Variants in NLRP9 observed in about 807,000 individuals in gnomAD.
NLRP9 encodes NACHT, LRR and PYD domains-containing protein 9.
Under a neutral mutation model 83.1 loss-of-function variants are expected in NLRP9, and 88 were observed. The ratio of observed to expected loss-of-function variants is 1.06; its 90% CI spans 0.89 to 1.26. The LOEUF is 1.26. Among genes scored for constraint, NLRP9 ranks in the 50% most tolerant of loss-of-function variants. The pLI is 0.00. For missense variants in NLRP9, 1,308 were observed against 1,179.3 expected (o/e 1.11, Z -1.60); for synonymous variants, 521 against 447.6 (o/e 1.16, Z -2.07).
At chr19:55,711,174 T>TACTC (rs924399695) in intron 8 of NLRP9, among the ~76,000 whole-genome samples, 3 of 152,090 alleles carry the variant, frequency 2.0e-5, no homozygotes, top group African/African-American at 7.2e-5. Flanking sequence ...TGAATTCATG[T>TACTC]ACTCATCACC....
At position 55,715,076 on chromosome 19, in the gene NLRP9, C is replaced by G. The variant is rs775924364; in HGVS notation, c.2480G>C (p.Gly827Ala). 1.9e-6 allele frequency: 3 copies of G among 1,612,070 alleles called. No homozygotes were observed. The highest frequency in any genetic ancestry group is 2.5e-6 in the Non-Finnish European group (3 of 1,179,490). ...ASLCAALKHPGCSIRELWLMG... is the reference protein window; with the variant it reads ...ASLCAALKHPACSIRELWLMG... ...CTACCACAGCTCCCGTATGCTGCAG[C>G]CTGGGTGCTTCAGCGCTGCACACAG... is the stretch of plus-strand genomic sequence containing the variant. Residue 827 changes from glycine to alanine, a missense_variant, in exon 6 of 9, where the codon GGC (glycine) becomes GCC (alanine). Coordinates refer to ENST00000332836, the MANE Select transcript of NLRP9 (RefSeq NM_176820.4).
In NLRP9 at chr19:55,723,020, A is replaced by C. The variant is rs142382578; in HGVS notation, c.2159+960T>G. Among the ~76,000 whole-genome samples, 63 of 152,220 alleles carry C rather than the reference A, an allele frequency of 4.1e-4. 2 individuals are homozygous for C. Among genetic ancestry groups the C allele is most frequent in the African/African-American group, 1.1e-3 (44 of 41,540 alleles). Reference sequence around the variant, plus strand: ...GGTGGGTGGGGAGCTGGGGGAGGGAAAGCATTAGGAGATATACCTAATGTA... The same window carrying C: ...GGTGGGTGGGGAGCTGGGGGAGGGACAGCATTAGGAGATATACCTAATGTA... On this transcript the variant is annotated intron_variant, in intron 4 of 8. Transcript: ENST00000332836.
intron 2 of NLRP9, 128 bp from the exon 3 acceptor site, chr19:55,730,120 G>A (rs1290731812): frequency 1.3e-6 from 1 of 778,866 alleles, no homozygotes; most frequent in Non-Finnish European, 2.0e-6. Context: ...CAGGGAGAAG[G>A]TCAGCCAGGT....
intron 4 of NLRP9, among the ~76,000 whole-genome samples, chr19:55,720,914 C>T (rs775357371): frequency 4.6e-5 from 7 of 152,156 alleles, no homozygotes; most frequent in African/African-American, 1.2e-4. Flanking sequence ...AATGAAAAGG[C>T]GCTCATATTA....
intron 4 of NLRP9, 45 bp downstream of exon 4, chr19:55,723,935 C>T (rs1351440166): frequency 2.0e-6 from 3 of 1,526,640 alleles, no homozygotes; most frequent in East Asian, 2.3e-5. Flanking sequence ...CTGCAAAGCC[C>T]ACCTTGGAAA....
intron 6 of NLRP9, 85 bp from the exon 7 acceptor site, chr19:55,712,675 C>A: frequency 8.0e-6 from 8 of 1,004,162 alleles, no homozygotes; most frequent in East Asian, 3.3e-5. Context: ...TCATATGACG[C>A]AAGAAATACC....
chr19:55,709,075 TG>T (rs771527527), intron 8 of NLRP9, 31 bp from the exon 9 acceptor site: 2 of 1,537,640 alleles, frequency 1.3e-6, no homozygotes, highest in Non-Finnish European at 1.7e-6. Context: ...TTTTTTTTTT[TG>T]TTTTTCATTT....
rs1298673527 is a variant in NLRP9, at chr19:55,735,126, C to T, written c.281-1576G>A. Among the ~76,000 whole-genome samples, 7 of 152,276 alleles carry T rather than the reference C, an allele frequency of 4.6e-5. No homozygotes were observed. The East Asian group carries it at 1.2e-3, about 25-fold the overall frequency. ...CACAGGAAGGCAGGGACGGTTCCAC[C>T]GATGGTCTGTGCTCTCCTTGCACAC... On this transcript the variant is annotated intron_variant, in intron 1 of 8. Coordinates refer to ENST00000332836, the MANE Select transcript of NLRP9 (RefSeq NM_176820.4).
chr19:55,732,521 C>T lies in NLRP9; in HGVS notation c.1310G>A (p.Arg437Lys). 1 of 1,614,248 alleles carries T rather than the reference C, an allele frequency of 6.2e-7. No individual in the cohort carries two copies. Among genetic ancestry groups the T allele is most frequent in the Non-Finnish European group, 8.5e-7 (1 of 1,180,054 alleles). The change falls in exon 2 of 9, where the codon AGA becomes AAA. Residue 437 changes from arginine to lysine, a missense_variant. Arg to Lys is a conservative substitution (Grantham distance 26). Transcript: ENST00000332836. ...ATGCATGAAGGCAAAACAGTCCCCT[C>T]TCCTTTGGAGGAGTCTCATACCCAC... The part of the protein sequence containing the change: ...MWVGMRLLQR[R>K]GDCFAFMHLC...
chr19:55,735,515 C>G (rs1398217555), intron 1 of NLRP9, among the ~76,000 whole-genome samples: 1 of 152,086 alleles, frequency 6.6e-6, no homozygotes, highest in Non-Finnish European at 1.5e-5. Context: ...TGGCTCATAG[C>G]TTGATCTGTG....
At chr19:55,731,903 T>C in intron 2 of NLRP9, 96 bp downstream of exon 2, 2 of 759,316 alleles carry the variant, frequency 2.6e-6, no homozygotes, top group Admixed American at 3.0e-5. Context: ...TCCATGCTTT[T>C]AAGCACAGTG....
At chr19:55,730,505 C>T (rs1988541241) in intron 2 of NLRP9, among the ~76,000 whole-genome samples, 1 of 150,684 alleles carries the variant, frequency 6.6e-6, no homozygotes, top group South Asian at 2.1e-4. Context: ...ATGGAATCAA[C>T]CTAAATGCCC....
intron 4 of NLRP9, 51 bp from the exon 5 acceptor site, chr19:55,716,949 T>C (rs1225060825): frequency 1.3e-6 from 2 of 1,507,594 alleles, no homozygotes; most frequent in Non-Finnish European, 1.8e-6. Context: ...CAATCGCTCA[T>C]GAAACATTAT....
intron 8 of NLRP9, chr19:55,711,569 A>G (rs1987727023): frequency 3.0e-6 from 3 of 1,016,178 alleles, no homozygotes; most frequent in South Asian, 2.7e-5. Context: ...TTTGATTGTC[A>G]CAACTGAGGG....
chr19:55,733,273 A>C lies in NLRP9; in HGVS notation c.558T>G (p.Asn186Lys), dbSNP rs1236333246. The C allele has an allele frequency of 6.2e-7, 1 of 1,613,976 alleles. No individual in the cohort carries two copies. The highest frequency in any genetic ancestry group is 8.5e-7 in the Non-Finnish European group (1 of 1,179,982). The change falls in exon 2 of 9, where the codon AAT becomes AAG. Residue 186 changes from asparagine to lysine, a missense_variant. Physicochemically the swap from Asn to Lys is moderately conservative, Grantham distance 94. Transcript: ENST00000332836. ...KDRFTFVFFL[N>K]VCEMNGIAET... Reference sequence around the variant, plus strand: ...CTGCGATACCGTTCATTTCACAGACATTGAGGAAAAACACAAATGTGAACC... The same window carrying C: ...CTGCGATACCGTTCATTTCACAGACCTTGAGGAAAAACACAAATGTGAACC...
chr19:55,727,560 T>C (rs1988439143), intron 3 of NLRP9, among the ~76,000 whole-genome samples: 1 of 152,216 alleles, frequency 6.6e-6, no homozygotes, highest in Admixed American at 6.5e-5. Context: ...GAAATTCAGA[T>C]ACTGCTTATG....
At chr19:55,712,747 G>A (rs1600124817) in intron 6 of NLRP9, among the ~76,000 whole-genome samples, 157 bp from the exon 7 acceptor site, 1 of 111,090 alleles carries the variant, frequency 9.0e-6, no homozygotes, top group African/African-American at 3.7e-5. Context: ...AATGAGGGAG[G>A]AGAGAAGAGC....
intron 3 of NLRP9, among the ~76,000 whole-genome samples, chr19:55,726,874 T>C (rs1988418579): frequency 6.6e-6 from 1 of 152,194 alleles, no homozygotes; most frequent in Non-Finnish European, 1.5e-5. Context: ...CATTTTTCAA[T>C]TTCAAGGCAT....
At chr19:55,733,836 C>A (rs1040197610) in intron 1 of NLRP9, among the ~76,000 whole-genome samples, 1 of 151,890 alleles carries the variant, frequency 6.6e-6, no homozygotes, top group Admixed American at 6.6e-5. Context: ...GGATGTGGAT[C>A]TCCACAATCC....
Sources: gnomAD v4.1 joint callset for allele counts (sites outside exome capture counted in the v4.1 genomes callset) on GRCh38, gnomAD v4.1.1 for gene constraint, MANE v1.5 for transcripts, NCBI Gene and HGNC (gene_info 2026-07-23, HGNC 2026-07-21) for gene names.